The following CTNND2 variants were observed in gnomAD, a reference collection of about 807,000 sequenced individuals.
CTNND2 encodes the protein catenin delta-2.
In CTNND2, 22 loss-of-function variants were observed where a neutral mutation model predicts 144.4. The ratio of observed to expected loss-of-function variants is 0.15; its 90% CI spans 0.11 to 0.22. The LOEUF is 0.22. Ranked by LOEUF, CTNND2 falls within the 10% of genes least tolerant of loss-of-function variation. The pLI is 1.00. For synonymous variants in CTNND2, 751 were observed against 695.6 expected, an observed-to-expected ratio of 1.08 and a Z score of -1.25; for missense variants, 1,353 against 1,618.8, an observed-to-expected ratio of 0.84 and a Z score of 2.82.
At chr5:11,808,144 T>G (rs1792112312) in intron 1 of CTNND2, among the ~76,000 whole-genome samples, 3 of 152,182 alleles carry the variant, frequency 2.0e-5, no homozygotes, top group African/African-American at 7.2e-5. Context: ...GCCACTTCCT[T>G]CCCTGTCCTC....
intron 2 of CTNND2, among the ~76,000 whole-genome samples, chr5:11,587,138 A>G (rs1778925927): frequency 6.6e-6 from 1 of 152,080 alleles, no homozygotes; most frequent in Admixed American, 6.5e-5. Context: ...AAAAAATGTG[A>G]GCACCCAAAC....
intron 3 of CTNND2, among the ~76,000 whole-genome samples, chr5:11,562,311 T>A (rs1269220969): frequency 6.6e-6 from 1 of 152,216 alleles, no homozygotes; most frequent in African/African-American, 2.4e-5. Context: ...GTTGACGTTC[T>A]ATTTTTGTTT....
At chr5:11,652,053 C>G (rs754237305) in intron 2 of CTNND2, among the ~76,000 whole-genome samples, 1 of 151,864 alleles carries the variant, frequency 6.6e-6, no homozygotes, top group African/African-American at 2.4e-5. Flanking sequence ...TTGGGAGGGG[C>G]CAGGGGCAGA....
chr5:11,362,513 A>G (rs1345280777), intron 8 of CTNND2, among the ~76,000 whole-genome samples: 1 of 152,150 alleles, frequency 6.6e-6, no homozygotes, highest in Non-Finnish European at 1.5e-5. Context: ...GGAGAGAGGT[A>G]GTTTCTCCTC....
At chr5:11,551,432 CTTTTTTTTTTTTT>C (rs70949326) in intron 3 of CTNND2, among the ~76,000 whole-genome samples, 6 of 100,926 alleles carry the variant, frequency 5.9e-5, no homozygotes, top group South Asian at 3.5e-4. Context: ...TTTCTTTTTT[CTTTTTTTTTTTTT>C]TTTTTTTTGA....
At chr5:11,604,075 TCA>T (rs1382010854) in intron 2 of CTNND2, among the ~76,000 whole-genome samples, 1 of 152,214 alleles carries the variant, frequency 6.6e-6, no homozygotes, top group East Asian at 1.9e-4. Flanking sequence ...TACTTCAGTG[TCA>T]CAGAGGGTAA....
At chr5:10,985,044 A>AGTGC in intron 20 of CTNND2, among the ~76,000 whole-genome samples, 1 of 152,208 alleles carries the variant, frequency 6.6e-6, no homozygotes, top group Admixed American at 6.5e-5. Context: ...ACTGCACTCC[A>AGTGC]GCCTGGGCGA....
intron 1 of CTNND2, among the ~76,000 whole-genome samples, chr5:11,869,710 G>C (rs1795936358): frequency 1.3e-5 from 2 of 152,180 alleles, no homozygotes; most frequent in African/African-American, 4.8e-5. Context: ...CTTAAAAACG[G>C]CTAAGGTGGT....
chr5:11,203,973 A>C (rs1737780365), intron 10 of CTNND2, among the ~76,000 whole-genome samples: 2 of 152,224 alleles, frequency 1.3e-5, no homozygotes, highest in South Asian at 4.1e-4. Flanking sequence ...AGACAGTCTT[A>C]AACTCACTTA....
chr5:11,696,485 A>G (rs1785145051), intron 2 of CTNND2, among the ~76,000 whole-genome samples: 1 of 152,174 alleles, frequency 6.6e-6, no homozygotes. Context: ...ACTCCCTTCC[A>G]TTTAGAAGCC....
chr5:11,512,045 C>T lies in CTNND2; in HGVS notation c.287+52899G>A, dbSNP rs557662228. ...CTTTATTCATTCGAATTCATTCAAA[C>T]AGAAACACAGAAGGATCCTGGATTG... On this transcript the variant is annotated intron_variant, in intron 3 of 21. Transcript: ENST00000304623. Among the ~76,000 whole-genome samples, 210 of 152,266 alleles carry T rather than the reference C, an allele frequency of 1.4e-3. 1 individual carries two copies. The highest frequency in any genetic ancestry group is 4.9e-3 in the African/African-American group (205 of 41,554).
At chr5:11,112,272 C>A (rs61754590) in intron 13 of CTNND2, among the ~76,000 whole-genome samples, 16,307 of 152,172 alleles carry the variant, frequency 0.11, 1,116 homozygotes, top group Non-Finnish European at 0.15. Context: ...TTCGGGTGGG[C>A]CTGTGTCCTC....
At chr5:11,069,152 T>C (rs1220166371) in intron 16 of CTNND2, among the ~76,000 whole-genome samples, 2 of 152,200 alleles carry the variant, frequency 1.3e-5, no homozygotes, top group Non-Finnish European at 1.5e-5. Flanking sequence ...AAAGGTATTG[T>C]TCTTATTCCT....
chr5:11,145,009 G>T (rs925388745), intron 12 of CTNND2, among the ~76,000 whole-genome samples: 7 of 152,104 alleles, frequency 4.6e-5, no homozygotes, highest in Admixed American at 4.6e-4. Flanking sequence ...CCTATGCCAA[G>T]CAATTTATGT....
intron 16 of CTNND2, among the ~76,000 whole-genome samples, chr5:11,036,703 C>G (rs922055040): frequency 2.0e-5 from 3 of 152,166 alleles, no homozygotes; most frequent in African/African-American, 7.2e-5. Flanking sequence ...ACTAATACAA[C>G]TTTTAGAAGT....
At chr5:11,725,914 C>T (rs1286589561) in intron 2 of CTNND2, among the ~76,000 whole-genome samples, 2 of 152,252 alleles carry the variant, frequency 1.3e-5, no homozygotes, top group Non-Finnish European at 2.9e-5. Flanking sequence ...AAAAAATCAA[C>T]ATTTTTCCCA....
At chr5:11,331,553 A>C (rs1233563600) in intron 9 of CTNND2, among the ~76,000 whole-genome samples, 1 of 152,162 alleles carries the variant, frequency 6.6e-6, no homozygotes, top group Non-Finnish European at 1.5e-5. Context: ...AAACATGATT[A>C]TTTTTTATTT....
intron 2 of CTNND2, among the ~76,000 whole-genome samples, chr5:11,645,189 C>A (rs770640960): frequency 6.6e-6 from 1 of 152,040 alleles, no homozygotes; most frequent in Non-Finnish European, 1.5e-5. Context: ...TGGTCTTGAA[C>A]TCCCGGCCTC....
chr5:11,309,846 C>T (rs953370563), intron 9 of CTNND2, among the ~76,000 whole-genome samples: 7 of 152,210 alleles, frequency 4.6e-5, no homozygotes, highest in African/African-American at 1.7e-4. Context: ...GATTTCCCCC[C>T]TGCTTCTCTA....
Sources: allele counts gnomAD v4.1 joint callset (sites outside exome capture counted in the v4.1 genomes callset), GRCh38; gene constraint gnomAD v4.1.1; transcripts MANE v1.5; gene names NCBI Gene and HGNC (gene_info 2026-07-23, HGNC 2026-07-21).